Variants in EYS observed in about 807,000 individuals in gnomAD.
EYS encodes the protein EGF-like photoreceptor maintenance factor.
EYS carries 250 observed loss-of-function variants against 282.1 expected under a neutral mutation model. The ratio of observed to expected loss-of-function variants is 0.89; its 90% CI spans 0.80 to 0.98. The LOEUF (loss-of-function observed/expected upper bound fraction) is 0.98, where lower values mean the gene tolerates loss of function less well. Among genes scored for constraint, EYS ranks in the 50% least tolerant of loss-of-function variants. The pLI, the probability that EYS is intolerant of heterozygous loss-of-function variation, is 0.00. For synonymous variants in EYS, 1,355 were observed against 1,282.9 expected, an observed-to-expected ratio of 1.06 and a Z score of -1.20; for missense variants, 4,016 against 3,709.0, an observed-to-expected ratio of 1.08 and a Z score of -2.15.
chr6:65,221,247 A>G (rs1766456245), intron 12 of EYS, among the ~76,000 whole-genome samples: 1 of 151,904 alleles, frequency 6.6e-6, no homozygotes, highest in Non-Finnish European at 1.5e-5. Context: ...TTAATCACCA[A>G]GACAATGGGG....
intron 13 of EYS, among the ~76,000 whole-genome samples, chr6:65,032,635 C>G (rs956758085): frequency 2.0e-5 from 3 of 152,080 alleles, no homozygotes; most frequent in Non-Finnish European, 2.9e-5. Flanking sequence ...ACCATACTTC[C>G]TGTAAAGCCT....
intron 12 of EYS, among the ~76,000 whole-genome samples, chr6:65,117,065 A>G (rs1028002529): frequency 1.3e-5 from 2 of 152,172 alleles, no homozygotes; most frequent in African/African-American, 2.4e-5. Flanking sequence ...AGTAGGTGAT[A>G]TGAATCACTT....
chr6:64,512,304 C>T (rs150521139), intron 26 of EYS, among the ~76,000 whole-genome samples: 490 of 151,848 alleles, frequency 3.2e-3, no homozygotes, highest in African/African-American at 0.01. Flanking sequence ...ACCAACAAAT[C>T]ATGTTGAAAG....
intron 26 of EYS, among the ~76,000 whole-genome samples, chr6:64,557,118 A>G (rs1324789115): frequency 1.3e-5 from 2 of 151,972 alleles, no homozygotes; most frequent in East Asian, 3.9e-4. Context: ...AACAACTCCT[A>G]AAGAATTCAG....
chr6:65,238,237 T>C (rs1473709995), intron 12 of EYS, among the ~76,000 whole-genome samples: 2 of 150,104 alleles, frequency 1.3e-5, no homozygotes, highest in Non-Finnish European at 3.0e-5. Context: ...AAACAAGGTA[T>C]ATAATCCTTT....
intron 26 of EYS, among the ~76,000 whole-genome samples, chr6:64,510,843 C>G (rs956125024): frequency 6.6e-6 from 1 of 152,026 alleles, no homozygotes; most frequent in Non-Finnish European, 1.5e-5. Context: ...TATGTTAGAA[C>G]CTGCACTGTT....
intron 35 of EYS, among the ~76,000 whole-genome samples, chr6:63,872,636 G>A (rs1296927332): frequency 6.6e-6 from 1 of 151,914 alleles, no homozygotes; most frequent in Admixed American, 6.6e-5. Flanking sequence ...ATGCCGCCAT[G>A]CCTGGCTAAT....
At chr6:64,687,819 G>T (rs2149911231) in intron 22 of EYS, among the ~76,000 whole-genome samples, 1 of 152,214 alleles carries the variant, frequency 6.6e-6, no homozygotes, top group South Asian at 2.1e-4. Context: ...TTGTACCTCT[G>T]GTAGAATTCG....
At chr6:64,479,592 C>A (rs1439420870) in intron 26 of EYS, among the ~76,000 whole-genome samples, 2 of 151,812 alleles carry the variant, frequency 1.3e-5, no homozygotes, top group Non-Finnish European at 2.9e-5. Flanking sequence ...AATATGAGGC[C>A]ACTTTTTTTG....
intron 31 of EYS, among the ~76,000 whole-genome samples, chr6:64,200,010 C>G (rs1196941328): frequency 6.6e-6 from 1 of 152,070 alleles, no homozygotes; most frequent in Non-Finnish European, 1.5e-5. Context: ...AATAAATGAT[C>G]TACCCAGCCA....
At position 63,721,132 on chromosome 6, in the gene EYS, AT is replaced by A; in HGVS notation, c.8898del (p.Lys2966AsnfsTer9). Reference protein sequence around the residue: ...TAKFMGNSYIKYIDPNYRMRN... With the variant: ...TAKFMGNSYIXYIDPNYRMRN... The stretch of plus-strand genomic sequence containing the variant: ...CTCATTCTATAATTTGGATCAATGT[AT>A]TTAATGTAAGAATTACCCATAAATT... On this transcript the variant is annotated frameshift_variant, in exon 43 of 43. Coordinates refer to ENST00000503581, the MANE Select transcript of EYS (RefSeq NM_001142800.2). LOFTEE classifies it high-confidence loss of function. The A allele has an allele frequency of 6.4e-7, 1 of 1,551,504 alleles. No homozygotes were observed. The highest frequency in any genetic ancestry group is 8.7e-7 in the Non-Finnish European group (1 of 1,146,780).
intron 33 of EYS, among the ~76,000 whole-genome samples, chr6:64,001,808 A>G (rs1768108673): frequency 1.3e-5 from 2 of 152,206 alleles, no homozygotes; most frequent in African/African-American, 4.8e-5. Flanking sequence ...GCATAGGATA[A>G]TACCAGAGCT....
intron 1 of EYS, among the ~76,000 whole-genome samples, chr6:65,678,648 A>C (rs1231307840): frequency 6.6e-6 from 1 of 151,976 alleles, no homozygotes; most frequent in Non-Finnish European, 1.5e-5. Flanking sequence ...CAAAGTAAAA[A>C]ATCAACAGAG....
At chr6:63,994,337 C>T (rs1304307971) in intron 34 of EYS, among the ~76,000 whole-genome samples, 1 of 151,862 alleles carries the variant, frequency 6.6e-6, no homozygotes, top group Non-Finnish European at 1.5e-5. Flanking sequence ...TCTGCTTATG[C>T]AACAATTACT....
chr6:64,311,336 CAAG>C (rs1769692843), intron 29 of EYS, among the ~76,000 whole-genome samples: 1 of 151,982 alleles, frequency 6.6e-6, no homozygotes, highest in Non-Finnish European at 1.5e-5. Context: ...AGATTAAAGA[CAAG>C]AAATAATTAT....
At chr6:64,550,012 T>A (rs1188886118) in intron 26 of EYS, among the ~76,000 whole-genome samples, 3 of 152,140 alleles carry the variant, frequency 2.0e-5, no homozygotes, top group Admixed American at 1.3e-4. Context: ...TTGCGATAGT[T>A]TGCTGAGAAT....
At chr6:64,719,444 A>C (rs1771501792) in intron 22 of EYS, among the ~76,000 whole-genome samples, 1 of 152,206 alleles carries the variant, frequency 6.6e-6, no homozygotes, top group Non-Finnish European at 1.5e-5. Flanking sequence ...ATATCATTTT[A>C]AACTAAAAAT....
rs7775213 is a variant in EYS, at chr6:63,834,945, G to T, written c.7229-28573C>A. On this transcript the variant is annotated intron_variant, in intron 36 of 42. Coordinates refer to ENST00000503581, the MANE Select transcript of EYS (RefSeq NM_001142800.2). The stretch of plus-strand genomic sequence containing the variant: ...GAAACCATCATTCTGAACACACTAT[G>T]GCAAGGACAGAAAAACAAACACCAC... Among the ~76,000 whole-genome samples, 549 of 150,954 alleles carry T rather than the reference G, an allele frequency of 3.6e-3. 4 individuals are homozygous for T. Among genetic ancestry groups the T allele is most frequent in the Non-Finnish European group, 3.6e-3 (243 of 67,876 alleles).
chr6:65,061,400 A>G (rs1221812911), intron 12 of EYS, among the ~76,000 whole-genome samples: 1 of 151,942 alleles, frequency 6.6e-6, no homozygotes, highest in Non-Finnish European at 1.5e-5. Context: ...ATTTTTAAAT[A>G]GTTTTAGGTT....
Sources: gnomAD v4.1 joint callset for allele counts (sites outside exome capture counted in the v4.1 genomes callset) on GRCh38, gnomAD v4.1.1 for gene constraint, MANE v1.5 for transcripts, NCBI Gene and HGNC (gene_info 2026-07-23, HGNC 2026-07-21) for gene names.